KMT2D: variants seen among roughly 807,000 people sequenced by gnomAD.
The protein encoded by KMT2D is lysine methyltransferase 2D, also known as histone-lysine N-methyltransferase 2D.
A neutral mutation model predicts 512.7 loss-of-function variants in KMT2D; 55 were observed. That is an observed-to-expected ratio of 0.11 (90% CI 0.09 to 0.13). KMT2D has a LOEUF of 0.13. Ranked by LOEUF, KMT2D falls within the 10% of genes least tolerant of loss-of-function variation. The pLI, the probability that KMT2D is intolerant of heterozygous loss-of-function variation, is 1.00. For missense variants in KMT2D, 6,061 were observed against 7,127.9 expected (o/e 0.85, Z 5.39); for synonymous variants, 2,995 against 2,904.0 (o/e 1.03, Z -1.01).
chr12:49,057,825 G>A (rs1448562943), intron 1 of KMT2D, among the ~76,000 whole-genome samples: 2 of 152,172 alleles, frequency 1.3e-5, no homozygotes, highest in Non-Finnish European at 2.9e-5. Flanking sequence ...TGTCTCACCA[G>A]GCTTTCTCCA....
At position 49,054,262 on chromosome 12, in the gene KMT2D, A is replaced by C. The variant is rs370735843; in HGVS notation, c.510+45T>G. The C allele has an allele frequency of 1.0e-3, 1,614 of 1,547,508 alleles. 4 individuals carry two copies. Among genetic ancestry groups the C allele is most frequent in the Middle Eastern group, 5.9e-3 (32 of 5,402 alleles). ...ATTCCAACCTGACTCTCAGAAGCCC[A>C]CCAGCCCTGCCCTTCACCTATGCAA... On this transcript the variant is annotated intron_variant, in intron 5 of 54. Transcript: ENST00000301067. The surrounding 1 kb of genome is among the most constrained non-coding windows in gnomAD (Gnocchi z 6.4).
In KMT2D at chr12:49,030,843, T is replaced by G. The variant is rs774331242; in HGVS notation, c.13671+50A>C. 5 of 1,611,698 alleles carry G rather than the reference T, an allele frequency of 3.1e-6. No individual in the cohort carries two copies. The East Asian group carries it at 1.1e-4, about 36-fold the overall frequency. On this transcript the variant is annotated intron_variant, in intron 41 of 54. Transcript: ENST00000301067. ...TGTCTTGCACAGCTGGGGGACAGGG[T>G]GCCCCCTATCCTGGGATGGGACCAG...
rs1592161113 is a variant in KMT2D, at chr12:49,054,023, G to A, written c.628C>T (p.Leu210=). 1 of 1,613,976 alleles carries A rather than the reference G, an allele frequency of 6.2e-7. No individual in the cohort carries two copies. The highest frequency in any genetic ancestry group is 8.5e-7 in the Non-Finnish European group (1 of 1,179,896). ...ASGSFLSMKT[L]QLLCPEHSEG... ...CTGTGCTCTGGGCATAGCAGCTGCAGTGTTTTCATGGATAGGAAGGAACCG... is the reference window on the plus strand; with the variant it reads ...CTGTGCTCTGGGCATAGCAGCTGCAATGTTTTCATGGATAGGAAGGAACCG... The change falls in exon 6 of 55, where the codon CTG becomes TTG. Residue 210 remains leucine, a synonymous_variant. Coordinates refer to ENST00000301067, the MANE Select transcript of KMT2D (RefSeq NM_003482.4). The surrounding 1 kb of genome is among the most constrained non-coding windows in gnomAD (Gnocchi z 6.4).
Position 49,022,115 on chromosome 12 carries a change from G to A in KMT2D, c.16449C>T (p.Ala5483=), listed in dbSNP as rs372675867. Residue 5483 remains alanine (A), a synonymous_variant, in exon 54 of 55, where the codon GCC becomes GCT. Coordinates refer to ENST00000301067, the MANE Select transcript of KMT2D (RefSeq NM_003482.4). This position sits in a 1 kb window ranked among gnomAD's most constrained non-coding sequence, Gnocchi z 8.6. ...CCTCTTTGTCAAATGTCACGACTTCGGCCACACAGTTAGGGGCACAGGAAT... is the reference window on the plus strand; with the variant it reads ...CCTCTTTGTCAAATGTCACGACTTCAGCCACACAGTTAGGGGCACAGGAAT... ...INHSCAPNCV[A]EVVTFDKEDK... 263 of 1,613,750 alleles carry A rather than the reference G, an allele frequency of 1.6e-4. No individual in the cohort carries two copies. Among genetic ancestry groups the A allele is most frequent in the Non-Finnish European group, 1.7e-4 (196 of 1,179,870 alleles).
In KMT2D at chr12:49,060,324, G is replaced by C. The variant is rs1168589331; in HGVS notation, c.-749C>G. ...GAAAAGGAAGGGGCGGGCGGTGCGA[G>C]CCCTCTGCCCGCTCCCCTCCGGCCG... is the stretch of plus-strand genomic sequence containing the variant. On this transcript the variant is annotated 5_prime_UTR_variant, in exon 1 of 55. Coordinates refer to ENST00000301067, the MANE Select transcript of KMT2D (RefSeq NM_003482.4). Among the ~76,000 whole-genome samples the C allele has an allele frequency of 6.6e-6, 1 of 152,054 alleles. No homozygotes were observed. Among genetic ancestry groups the C allele is most frequent in the Non-Finnish European group, 1.5e-5 (1 of 67,980 alleles).
rs190643171 is a variant in KMT2D, at chr12:49,050,215, G to A, written c.3373C>T (p.Leu1125=). 291 of 1,613,798 alleles carry A rather than the reference G, an allele frequency of 1.8e-4. No homozygotes were observed. The African/African-American group carries it at 1.8e-3, about 10-fold the overall frequency. Residue 1125 remains leucine (L), a synonymous_variant, in exon 12 of 55, where the codon CTG becomes TTG. Transcript: ENST00000301067. ...GAACCCGGAGCATCAATCCCATCCAGAGGGGCTGTGTCTTCCCCTAGGCCA... is the reference window on the plus strand; with the variant it reads ...GAACCCGGAGCATCAATCCCATCCAAAGGGGCTGTGTCTTCCCCTAGGCCA... The part of the protein sequence containing the change: ...FSGLGEDTAP[L]DGIDAPGSQP...
chr12:49,025,001 C>T (rs2137712435), intron 49 of KMT2D, 55 bp from the exon 50 acceptor site: 2 of 1,550,782 alleles, frequency 1.3e-6, no homozygotes, highest in African/African-American at 1.4e-5. Context: ...CACTGACCTC[C>T]AGTCCCTAAC....
chr12:49,046,929 T>A lies in KMT2D; in HGVS notation c.4237-139A>T. On this transcript the variant is annotated intron_variant, in intron 15 of 54. Transcript: ENST00000301067. This position sits in a 1 kb window ranked among gnomAD's most constrained non-coding sequence, Gnocchi z 4.2. Reference sequence around the variant, plus strand: ...GGCGCGATCTCGGCTCACTGCAACCTCTGCCTCTCAGGTACAAGTGATTCT... The same window carrying A: ...GGCGCGATCTCGGCTCACTGCAACCACTGCCTCTCAGGTACAAGTGATTCT... 1 of 696,772 alleles carries A rather than the reference T, an allele frequency of 1.4e-6. No homozygotes were observed. Among genetic ancestry groups the A allele is most frequent in the Non-Finnish European group, 2.3e-6 (1 of 429,456 alleles). The allele number at this position is 696,772 out of a possible 1,614,324, so 43.2% of individuals were successfully genotyped here. A position where few individuals can be genotyped will look rare whatever the true frequency, so the allele number is the denominator to read the frequency against.
Position 49,046,665 on chromosome 12 carries a change from T to G in KMT2D, c.4362A>C (p.Thr1454=), listed in dbSNP as rs1250800673. The change falls in exon 16 of 55, where the codon ACA becomes ACC. Residue 1454 remains threonine (T), a synonymous_variant. Transcript: ENST00000301067. The surrounding 1 kb of genome is among the most constrained non-coding windows in gnomAD (Gnocchi z 4.2). ...LCDDCDISYH[T]YCLDPPLLTV... The stretch of plus-strand genomic sequence containing the variant: ...TGAGCAGTGGGGGGTCCAGGCAGTA[T>G]GTGTGGTAGCTAATATCACAGTCAT... 1.2e-6 allele frequency: 2 copies of G among 1,613,944 alleles called. No homozygotes were observed. The highest frequency in any genetic ancestry group is 1.7e-6 in the Non-Finnish European group (2 of 1,179,880).
chr12:49,044,650 G>T lies in KMT2D; in HGVS notation c.4963+94C>A. ...CTTAGACGAGACAGCAGTGCTTAAG[G>T]GTAACTGAGTGGCAATGTAGCCCCC... On this transcript the variant is annotated intron_variant, in intron 20 of 54. Coordinates refer to ENST00000301067, the MANE Select transcript of KMT2D (RefSeq NM_003482.4). This position sits in a 1 kb window ranked among gnomAD's most constrained non-coding sequence, Gnocchi z 6.4. 1 of 1,547,286 alleles carries T rather than the reference G, an allele frequency of 6.5e-7. No homozygotes were observed.
At position 49,020,742 on chromosome 12, in the gene KMT2D, C is replaced by A. The variant is rs1396802108; in HGVS notation, c.*1038G>T. The A allele has an allele frequency of 3.3e-5, 7 of 210,694 alleles. No homozygotes were observed. The highest frequency in any genetic ancestry group is 5.9e-5 in the Admixed American group (1 of 16,974). The allele number at this position is 210,694 out of a possible 1,614,324, so 13.1% of individuals were successfully genotyped here. On this transcript the variant is annotated 3_prime_UTR_variant, in exon 55 of 55. Coordinates refer to ENST00000301067, the MANE Select transcript of KMT2D (RefSeq NM_003482.4). ...CAGGGATAGCCCTCACCCTACCCCC[C>A]ACCCAACCCGTCCAGGGGCTGGAGG...
rs763729848 is a variant in KMT2D at position 49,052,220 on chromosome 12, G to C, written c.1463C>G (p.Pro488Arg). The C allele has an allele frequency of 6.2e-7, 1 of 1,613,110 alleles. No homozygotes were observed. Among genetic ancestry groups the C allele is most frequent in the Admixed American group, 1.7e-5 (1 of 59,958 alleles). The stretch of plus-strand genomic sequence containing the variant: ...CGGAGAGAGGGGCGATTCCTCCAGC[G>C]GCCGGGACAGGTGCAATGCCTCAGG... The part of the protein sequence containing the change: ...PLPEALHLSR[P>R]LEESPLSPPP... Residue 488 changes from proline to arginine, a missense_variant, in exon 11 of 55, where the codon CCG becomes CGG. Coordinates refer to ENST00000301067, the MANE Select transcript of KMT2D (RefSeq NM_003482.4).
rs1942619358 is a variant in KMT2D, at chr12:49,026,839, T to C, written c.15127A>G (p.Thr5043Ala). The C allele has an allele frequency of 6.2e-7, 1 of 1,613,642 alleles. No homozygotes were observed. ...TTCAGCAGACGGGCAGGCCCATCAG[T>C]GGCCCCGTCACCCTCCTCATGACAG... is the stretch of plus-strand genomic sequence containing the variant. ...CFCHEEGDGA[T>A]DGPARLLNLD... The change falls in exon 49 of 55, where the codon ACT becomes GCT. Residue 5043 changes from threonine to alanine, a missense_variant. Thr to Ala is a moderately conservative substitution (Grantham distance 58). This residue lies in a region of KMT2D where 14 missense variants were observed against 53.4 expected (regional missense o/e 0.26). Transcript: ENST00000301067. This position sits in a 1 kb window ranked among gnomAD's most constrained non-coding sequence, Gnocchi z 9.6.
At position 49,033,688 on chromosome 12, in the gene KMT2D, G is replaced by A; in HGVS notation, c.11017C>T (p.Leu3673Phe). Residue 3673 changes from leucine to phenylalanine, a missense_variant, in exon 40 of 55, where the codon CTT becomes TTT. Physicochemically the swap from Leu to Phe is conservative, Grantham distance 22. This residue lies in a region of KMT2D where 1,600 missense variants were observed against 1,754.9 expected (regional missense o/e 0.91). Coordinates refer to ENST00000301067, the MANE Select transcript of KMT2D (RefSeq NM_003482.4). ...ALPGQPGGPF[L>F]NTALAQQQQQ... Reference sequence around the variant, plus strand: ...TGCTGTTGGGCCAGAGCTGTATTAAGGAAGGGGCCACCAGGCTGTCCAGGT... The same window carrying A: ...TGCTGTTGGGCCAGAGCTGTATTAAAGAAGGGGCCACCAGGCTGTCCAGGT... 6.2e-7 allele frequency: 1 copy of A among 1,613,750 alleles called. No individual in the cohort carries two copies. The highest frequency in any genetic ancestry group is 2.2e-5 in the East Asian group (1 of 44,884).
chr12:49,021,042 G>A lies in KMT2D; in HGVS notation c.*738C>T, dbSNP rs1942300234. On this transcript the variant is annotated 3_prime_UTR_variant, in exon 55 of 55. Coordinates refer to ENST00000301067, the MANE Select transcript of KMT2D (RefSeq NM_003482.4). ...TGAGGTGGGGGAGAGGGTTGGGGCA[G>A]TAGGGGGCTTGGAGAGGGTCTCACA... 5.1e-6 allele frequency: 1 copy of A among 197,940 alleles called. No homozygotes were observed. Among genetic ancestry groups the A allele is most frequent in the Non-Finnish European group, 1.0e-5 (1 of 95,472 alleles). 12.3% of individuals were successfully genotyped at this position (197,940 alleles called of 1,614,324 possible).
chr12:49,020,768 G>T lies in KMT2D; in HGVS notation c.*1012C>A. The T allele has an allele frequency of 4.8e-6, 1 of 207,528 alleles. No individual in the cohort carries two copies. The highest frequency in any genetic ancestry group is 9.9e-6 in the Non-Finnish European group (1 of 101,356). 12.9% of individuals were successfully genotyped at this position (207,528 alleles called of 1,614,324 possible). On this transcript the variant is annotated 3_prime_UTR_variant, in exon 55 of 55. Coordinates refer to ENST00000301067, the MANE Select transcript of KMT2D (RefSeq NM_003482.4). ...ACCCAACCCGTCCAGGGGCTGGAGG[G>T]CAAACAGGCTCATGATGAGGTTGGG...
At chr12:49,055,394 A>G (rs2120719412) in intron 1 of KMT2D, 33 bp from the exon 2 acceptor site, 1 of 1,412,440 alleles carries the variant, frequency 7.1e-7, no homozygotes, top group East Asian at 2.3e-5. Flanking sequence ...CTATATGCCT[A>G]CTAAGTCTTC....
Position 49,050,120 on chromosome 12 carries a change from G to A in KMT2D, c.3468C>T (p.Asp1156=), listed in dbSNP as rs557287690. The A allele has an allele frequency of 1.1e-5, 18 of 1,613,426 alleles. No homozygotes were observed. Among genetic ancestry groups the A allele is most frequent in the African/African-American group, 6.7e-5 (5 of 75,004 alleles). ...SELKGSPVLL[D]PEELAPVTPM... ...GGGTCACAGGGGCCAGCTCCTCGGGGTCCAGGAGCACAGGGGAGCCTTTAA... is the reference window on the plus strand; with the variant it reads ...GGGTCACAGGGGCCAGCTCCTCGGGATCCAGGAGCACAGGGGAGCCTTTAA... Residue 1156 remains aspartate, a synonymous_variant, in exon 12 of 55, where the codon GAC becomes GAT. Transcript: ENST00000301067.
In KMT2D at chr12:49,033,574, G is replaced by A; in HGVS notation, c.11131C>T (p.Pro3711Ser). 6.2e-7 allele frequency: 1 copy of A among 1,613,590 alleles called. No individual in the cohort carries two copies. ...PGNLALRSLG[P>S]DSRLLQERQL... ...CTTTCCTGTAAAAGCCTTGAATCAG[G>A]TCCGAGGCTTCGAAGAGCAAGGTTG... The change falls in exon 40 of 55, where the codon CCT (proline) becomes TCT (serine). Residue 3711 changes from proline (P) to serine (S), a missense_variant. By Grantham distance (74) the Pro-to-Ser change is moderately conservative (BLOSUM62 -1). Transcript: ENST00000301067.
Sources: allele counts gnomAD v4.1 joint callset (sites outside exome capture counted in the v4.1 genomes callset), GRCh38; gene constraint gnomAD v4.1.1; regional missense constraint gnomAD v4.1.1; non-coding constraint Gnocchi (gnomAD v3.1); transcripts MANE v1.5; gene names NCBI Gene and HGNC (gene_info 2026-07-23, HGNC 2026-07-21).